Variants in SLC7A2 observed in about 807,000 individuals in gnomAD.
SLC7A2 encodes cationic amino acid transporter 2.
SLC7A2 carries 48 observed loss-of-function variants against 58.9 expected under a neutral mutation model. The ratio of observed to expected loss-of-function variants is 0.82; its 90% CI spans 0.65 to 1.04. SLC7A2 has a LOEUF of 1.04. SLC7A2 is among the 50% of genes least tolerant of loss of function. The probability of loss-of-function intolerance (pLI) is 0.00; values close to 1 mark genes in which losing one functional copy is unlikely to be tolerated. For synonymous variants in SLC7A2, 363 were observed against 314.5 expected (o/e 1.15, Z -1.63); for missense variants, 1,029 against 818.8 (o/e 1.26, Z -3.13).
intron 8 of SLC7A2, among the ~76,000 whole-genome samples, chr8:17,555,903 A>G (rs75977281): frequency 0.017 from 2,622 of 152,238 alleles, 36 homozygotes; most frequent in East Asian, 0.061. Flanking sequence ...CAAGCTTTAT[A>G]CATAAAATAA....
intron 2 of SLC7A2, among the ~76,000 whole-genome samples, chr8:17,525,220 T>C (rs1288591957): frequency 6.6e-6 from 1 of 152,186 alleles, no homozygotes; most frequent in East Asian, 1.9e-4. Flanking sequence ...ATTATGAGTA[T>C]TCCTCTACTT....
At chr8:17,499,405 C>A (rs1438840374) in intron 1 of SLC7A2, among the ~76,000 whole-genome samples, 1 of 150,128 alleles carries the variant, frequency 6.7e-6, no homozygotes, top group African/African-American at 2.5e-5. Flanking sequence ...CCTCTTCCCT[C>A]CATTCTCTCT....
intron 2 of SLC7A2, among the ~76,000 whole-genome samples, chr8:17,511,552 A>G (rs866363500): frequency 2.0e-5 from 3 of 152,202 alleles, no homozygotes; most frequent in Non-Finnish European, 4.4e-5. Context: ...TTGTTGTACA[A>G]ATTATTCACA....
At chr8:17,544,764 G>A (rs1234428908) in intron 4 of SLC7A2, among the ~76,000 whole-genome samples, 158 bp downstream of exon 4, 1 of 152,092 alleles carries the variant, frequency 6.6e-6, no homozygotes, top group East Asian at 1.9e-4. Flanking sequence ...ATCACTGGCT[G>A]GAATCACATT....
chr8:17,557,296 A>G (rs1011651174), intron 8 of SLC7A2, among the ~76,000 whole-genome samples: 2 of 152,186 alleles, frequency 1.3e-5, no homozygotes, highest in Non-Finnish European at 1.5e-5. Context: ...TAATATTGTC[A>G]CTATTTTGAT....
chr8:17,517,861 C>A lies in SLC7A2; in HGVS notation c.-23+15559C>A, dbSNP rs538304586. Among the ~76,000 whole-genome samples the A allele has an allele frequency of 2.9e-4, 44 of 152,206 alleles. 1 individual carries two copies. The highest frequency in any genetic ancestry group is 1.0e-4 in the Non-Finnish European group (7 of 68,016). On this transcript the variant is annotated intron_variant, in intron 2 of 12. Transcript: ENST00000494857. ...CCTGGGAACTGCTAGCATTCTGTTT[C>A]TCACTGCTTCTGGGTTATGCAGCAT...
chr8:17,494,947 T>C (rs75447967), upstream of SLC7A2, among the ~76,000 whole-genome samples: 2,098 of 152,344 alleles, frequency 0.014, 24 homozygotes, highest in Non-Finnish European at 0.021. Flanking sequence ...GGCGGGCAGA[T>C]TGGATAAATT....
chr8:17,515,754 A>C (rs2150676910), intron 2 of SLC7A2, among the ~76,000 whole-genome samples: 1 of 152,272 alleles, frequency 6.6e-6, no homozygotes, highest in East Asian at 1.9e-4. Context: ...TAAAAATCCT[A>C]TCATTAAATC....
At chr8:17,507,380 T>C (rs34932321) in intron 2 of SLC7A2, among the ~76,000 whole-genome samples, 47,111 of 152,096 alleles carry the variant, frequency 0.31, 8,872 homozygotes, top group East Asian at 0.5. Context: ...TGCATTATTA[T>C]TATTTTTGTG....
chr8:17,528,388 T>G (rs1007604722), intron 2 of SLC7A2, among the ~76,000 whole-genome samples: 1 of 152,008 alleles, frequency 6.6e-6, no homozygotes, highest in African/African-American at 2.4e-5. Context: ...CTTTTTTTGT[T>G]TATTTGTTTT....
intron 2 of SLC7A2, among the ~76,000 whole-genome samples, chr8:17,522,933 G>A (rs2150693061): frequency 6.6e-6 from 1 of 152,184 alleles, no homozygotes; most frequent in South Asian, 2.1e-4. Flanking sequence ...TACTTGGGAG[G>A]CTGAAGTGGG....
rs1032849301 is a variant in SLC7A2, at chr8:17,568,839, A to G, written c.*3693A>G. On this transcript the variant is annotated 3_prime_UTR_variant, in exon 13 of 13. Transcript: ENST00000494857. ...ATTAGCTGGGCATGGTGGCATGCAC[A>G]TGTAGTCAGAGCTACTGGGGGTGCT... 1 of 152,016 alleles carries G rather than the reference A, an allele frequency of 6.6e-6. No homozygotes were observed. The highest frequency in any genetic ancestry group is 1.9e-4 in the East Asian group (1 of 5,156). 9.4% of individuals were successfully genotyped at this position (152,016 alleles called of 1,614,324 possible). A position where few individuals can be genotyped will look rare whatever the true frequency, so the allele number is the denominator to read the frequency against.
At chr8:17,528,316 C>G (rs1801301465) in intron 2 of SLC7A2, among the ~76,000 whole-genome samples, 1 of 152,096 alleles carries the variant, frequency 6.6e-6, no homozygotes, top group Non-Finnish European at 1.5e-5. Context: ...ATCTGGAACC[C>G]TTTGTTTTCT....
At chr8:17,495,474 C>CT (rs1427248628), upstream of SLC7A2, among the ~76,000 whole-genome samples, 1 of 152,202 alleles carries the variant, frequency 6.6e-6, no homozygotes, top group Non-Finnish European at 1.5e-5. Context: ...TTGACAGTCT[C>CT]TATTACTTAA....
rs1422175077 is a variant in SLC7A2 at position 17,543,302 on chromosome 8, C to G, written c.-22-16C>G. The stretch of plus-strand genomic sequence containing the variant: ...ACAATTCCAGATCAGCTTCTAACCT[C>G]CTCCCTTCTGCTCAGGTCGCCTTCG... On this transcript the variant is annotated splice_polypyrimidine_tract_variant and intron_variant, in intron 2 of 12. Coordinates refer to ENST00000494857, the MANE Select transcript of SLC7A2 (RefSeq NM_001370338.1). 1 of 1,577,108 alleles carries G rather than the reference C, an allele frequency of 6.3e-7. No homozygotes were observed. The highest frequency in any genetic ancestry group is 8.6e-7 in the Non-Finnish European group (1 of 1,162,806).
At chr8:17,512,472 G>C (rs1406033200) in intron 2 of SLC7A2, among the ~76,000 whole-genome samples, 1 of 152,102 alleles carries the variant, frequency 6.6e-6, no homozygotes, top group Non-Finnish European at 1.5e-5. Flanking sequence ...GCTTGAACCA[G>C]GGAGGTGGAG....
chr8:17,549,558 C>A lies in SLC7A2; in HGVS notation c.698+715C>A, dbSNP rs1186715735. 2.6e-5 allele frequency among the ~76,000 whole-genome samples: 4 copies of A among 152,178 alleles called. 1 individual carries two copies. The highest frequency in any genetic ancestry group is 2.6e-4 in the Admixed American group (4 of 15,276). On this transcript the variant is annotated intron_variant, in intron 5 of 12. Transcript: ENST00000494857. ...AAATAACAATGAGTATTTTTGAGTC[C>A]TGCATCCTTTAGTTCTTCCTTCAGG...
Position 17,551,933 on chromosome 8 carries a change from G to A in SLC7A2, c.1002G>A (p.Trp334Ter), listed in dbSNP as rs755195862. ...CTGTAGCGTTTGAATATGTGGGATG[G>A]GGTCCTGCCAAATATGTCGTCGCAG... ...PLPVAFEYVGWGPAKYVVAAG... is the reference protein window; with the variant it reads ...PLPVAFEYVG The change falls in exon 7 of 13, where the codon TGG becomes TGA. Residue 334 changes from tryptophan (W) to a stop codon, truncating the protein, a stop_gained. Coordinates refer to ENST00000494857, the MANE Select transcript of SLC7A2 (RefSeq NM_001370338.1). LOFTEE classifies it high-confidence loss of function. 2 of 1,613,962 alleles carry A rather than the reference G, an allele frequency of 1.2e-6. No individual in the cohort carries two copies. The highest frequency in any genetic ancestry group is 8.5e-7 in the Non-Finnish European group (1 of 1,179,994).
intron 2 of SLC7A2, among the ~76,000 whole-genome samples, chr8:17,514,043 C>T (rs1160298496): frequency 2.0e-5 from 3 of 152,064 alleles, no homozygotes; most frequent in Non-Finnish European, 4.4e-5. Context: ...ATCACTGACC[C>T]GTAATAGTCT....
Sources: allele counts gnomAD v4.1 joint callset (sites outside exome capture counted in the v4.1 genomes callset), GRCh38; gene constraint gnomAD v4.1.1; transcripts MANE v1.5; gene names NCBI Gene and HGNC (gene_info 2026-07-23, HGNC 2026-07-21).